The following RELN variants were observed in gnomAD, a reference collection of about 807,000 sequenced individuals.
RELN encodes reelin.
RELN carries 108 observed loss-of-function variants against 427.6 expected under a neutral mutation model. The observed-to-expected ratio is 0.25, with a 90% CI of 0.22 to 0.30. The LOEUF (loss-of-function observed/expected upper bound fraction) is 0.30. Ranked by LOEUF, RELN falls within the 10% of genes least tolerant of loss-of-function variation. The pLI is 1.00. For synonymous variants in RELN, 1,524 were observed against 1,513.4 expected, an observed-to-expected ratio of 1.01 and a Z score of -0.16; for missense variants, 3,715 against 4,302.8, an observed-to-expected ratio of 0.86 and a Z score of 3.82.
intron 10 of RELN, among the ~76,000 whole-genome samples, chr7:103,690,719 G>T (rs1418844147): frequency 5.3e-5 from 8 of 152,128 alleles, no homozygotes; most frequent in Admixed American, 6.6e-5. Context: ...GGGAGATTAC[G>T]AATGAGGGTG....
chr7:103,758,567 A>G (rs1791220466), intron 4 of RELN, among the ~76,000 whole-genome samples: 3 of 151,838 alleles, frequency 2.0e-5, no homozygotes, highest in Admixed American at 2.0e-4. Flanking sequence ...ACAAATTGGT[A>G]GCAATTTTTA....
intron 3 of RELN, among the ~76,000 whole-genome samples, chr7:103,809,108 A>T (rs39330): frequency 0.4 from 61,195 of 152,068 alleles, 12,641 homozygotes; most frequent in East Asian, 0.54. Flanking sequence ...CAAGCCACAC[A>T]GAAAGCTAGA....
intron 30 of RELN, among the ~76,000 whole-genome samples, chr7:103,572,575 T>A (rs1170612915): frequency 6.6e-6 from 1 of 152,118 alleles, no homozygotes; most frequent in East Asian, 1.9e-4. Flanking sequence ...CTTGCTCTGT[T>A]GCCCAGGCTG....
Position 103,989,559 on chromosome 7 carries a change from G to A in RELN, c.-203C>T, listed in dbSNP as rs564571991. 2 of 438,664 alleles carry A rather than the reference G, an allele frequency of 4.6e-6. No homozygotes were observed. The highest frequency in any genetic ancestry group is 8.1e-5 in the East Asian group (2 of 24,588). The allele number at this position is 438,664 out of a possible 1,614,324, so 27.2% of individuals were successfully genotyped here. ...GCGGCTCCCAAAGTTACTTTGGGCCGCGGGAGCGCGGGACCGGGGCTGCGG... is the reference window on the plus strand; with the variant it reads ...GCGGCTCCCAAAGTTACTTTGGGCCACGGGAGCGCGGGACCGGGGCTGCGG... On this transcript the variant is annotated 5_prime_UTR_variant, in exon 1 of 65. Transcript: ENST00000428762. This position sits in a 1 kb window ranked among gnomAD's most constrained non-coding sequence, Gnocchi z 4.9.
rs896867453 is a variant in RELN at position 103,768,306 on chromosome 7, C to T, written c.544+8251G>A. ...CTAGCTCCTTGTCTACACCATGACA[C>T]GACAGCAGAATGCAGATGGGCATGT... On this transcript the variant is annotated intron_variant, in intron 4 of 64. Transcript: ENST00000428762. Among the ~76,000 whole-genome samples, 18 of 151,956 alleles carry T rather than the reference C, an allele frequency of 1.2e-4. No individual in the cohort carries two copies. In the Middle Eastern group the frequency reaches 0.01, roughly 86 times the overall value.
intron 8 of RELN, among the ~76,000 whole-genome samples, chr7:103,702,162 TTTAA>T (rs1164785722): frequency 1.1e-4 from 17 of 152,350 alleles, no homozygotes; most frequent in African/African-American, 4.1e-4. Flanking sequence ...CTTATGCTAC[TTTAA>T]TTGTTGCTAA....
rs189192587 is a variant in RELN, at chr7:103,900,035, A to G, written c.337+17040T>C. On this transcript the variant is annotated intron_variant, in intron 2 of 64. Transcript: ENST00000428762. ...CCCTGTTTGCAGTTGACATGATTGTATATTTAGAAAACCCCATCAACTCAG... is the reference window on the plus strand; with the variant it reads ...CCCTGTTTGCAGTTGACATGATTGTGTATTTAGAAAACCCCATCAACTCAG... Among the ~76,000 whole-genome samples the G allele has an allele frequency of 1.6e-4, 25 of 152,314 alleles. No individual in the cohort carries two copies. In the East Asian group the frequency reaches 3.9e-3, roughly 24 times the overall value.
intron 1 of RELN, among the ~76,000 whole-genome samples, chr7:103,960,895 T>C (rs927590411): frequency 5.9e-5 from 9 of 152,240 alleles, no homozygotes; most frequent in South Asian, 4.1e-4. Flanking sequence ...TTTCCTCACA[T>C]ACAAGCTAAT....
In RELN at chr7:103,522,275, A is replaced by G. The variant is rs2075039; in HGVS notation, c.7491-76T>C. ...CAAGCTTGTTCTCAAATTAGTGAAG[A>G]CTACTCTTTTCCTAGTCCAAGATGA... On this transcript the variant is annotated intron_variant, in intron 47 of 64. Coordinates refer to ENST00000428762, the MANE Select transcript of RELN (RefSeq NM_005045.4). The G allele has an allele frequency of 0.056, 79,796 of 1,413,652 alleles. 2,710 individuals are homozygous for G. Among genetic ancestry groups the G allele is most frequent in the East Asian group, 0.11 (4,823 of 43,344 alleles). The allele number at this position is 1,413,652 out of a possible 1,614,324, so 87.6% of individuals were successfully genotyped here. A position where few individuals can be genotyped will look rare whatever the true frequency, so the allele number is the denominator to read the frequency against.
At chr7:103,882,399 ATTAT>A (rs1794627329) in intron 2 of RELN, among the ~76,000 whole-genome samples, 1 of 152,188 alleles carries the variant, frequency 6.6e-6, no homozygotes, top group Non-Finnish European at 1.5e-5. Context: ...GAATGGGATA[ATTAT>A]TTATCTCCCT....
intron 1 of RELN, among the ~76,000 whole-genome samples, chr7:103,923,502 G>A (rs1347950588): frequency 6.6e-6 from 1 of 152,086 alleles, no homozygotes; most frequent in East Asian, 1.9e-4. Flanking sequence ...AGAAATGACT[G>A]GAAGTCAAGA....
chr7:103,811,210 T>C (rs1792735121), intron 3 of RELN, among the ~76,000 whole-genome samples: 1 of 152,240 alleles, frequency 6.6e-6, no homozygotes. Context: ...TTCTAAAACA[T>C]ATCCTGCTTG....
Position 103,989,423 on chromosome 7 carries a change from C to G in RELN, c.-67G>C. 3.8e-6 allele frequency: 5 copies of G among 1,311,138 alleles called. No homozygotes were observed. Among genetic ancestry groups the G allele is most frequent in the Non-Finnish European group, 3.9e-6 (4 of 1,018,664 alleles). 81.2% of individuals were successfully genotyped at this position (1,311,138 alleles called of 1,614,324 possible). A position where few individuals can be genotyped will look rare whatever the true frequency, so the allele number is the denominator to read the frequency against. On this transcript the variant is annotated 5_prime_UTR_variant, in exon 1 of 65. Coordinates refer to ENST00000428762, the MANE Select transcript of RELN (RefSeq NM_005045.4). This position sits in a 1 kb window ranked among gnomAD's most constrained non-coding sequence, Gnocchi z 4.9. ...CTCGCTCATTCAGTTTTGGAGACGC[C>G]GGGACGGAGGAGCCACGCGGAGAGA...
chr7:103,895,292 A>C (rs1303373500), intron 2 of RELN, among the ~76,000 whole-genome samples: 1 of 151,904 alleles, frequency 6.6e-6, no homozygotes, highest in Admixed American at 6.6e-5. Flanking sequence ...GTTGACTTGT[A>C]ACAGGAAAAA....
At chr7:103,748,569 A>G (rs1307711746) in intron 6 of RELN, among the ~76,000 whole-genome samples, 1 of 152,214 alleles carries the variant, frequency 6.6e-6, no homozygotes, top group East Asian at 1.9e-4. Context: ...ACTTGAGAGA[A>G]CCATACCTCT....
intron 1 of RELN, among the ~76,000 whole-genome samples, chr7:103,944,616 C>T (rs778035993): frequency 7.2e-5 from 11 of 152,176 alleles, no homozygotes; most frequent in Non-Finnish European, 1.6e-4. Context: ...GCCAGCTGTA[C>T]TACAGTTATG....
chr7:103,976,950 G>T (rs1796890721), intron 1 of RELN, among the ~76,000 whole-genome samples: 1 of 152,086 alleles, frequency 6.6e-6, no homozygotes. Flanking sequence ...TACTCAGGAG[G>T]CTGAGGTTGG....
chr7:103,954,475 T>C lies in RELN; in HGVS notation c.226+34656A>G, dbSNP rs150233349. Among the ~76,000 whole-genome samples the C allele has an allele frequency of 1.1e-4, 16 of 152,190 alleles. No individual in the cohort carries two copies. In the South Asian group the frequency reaches 3.3e-3, roughly 32 times the overall value. Reference sequence around the variant, plus strand: ...GTGTGTGTGCACACACATGCATAAGTTATTTACTCCCATTTTCCTTTATTG... The same window carrying C: ...GTGTGTGTGCACACACATGCATAAGCTATTTACTCCCATTTTCCTTTATTG... On this transcript the variant is annotated intron_variant, in intron 1 of 64. Coordinates refer to ENST00000428762, the MANE Select transcript of RELN (RefSeq NM_005045.4).
intron 27 of RELN, among the ~76,000 whole-genome samples, chr7:103,593,313 C>T (rs1296375276): frequency 6.6e-6 from 1 of 152,150 alleles, no homozygotes; most frequent in Non-Finnish European, 1.5e-5. Flanking sequence ...CATAAAATAC[C>T]TTGTAAGTTC....
Sources: gnomAD v4.1 joint callset for allele counts (sites outside exome capture counted in the v4.1 genomes callset) on GRCh38, gnomAD v4.1.1 for gene constraint, Gnocchi (gnomAD v3.1) non-coding constraint, MANE v1.5 for transcripts, NCBI Gene and HGNC (gene_info 2026-07-23, HGNC 2026-07-21) for gene names.